CFAP95: variants seen among roughly 807,000 people sequenced by gnomAD.
CFAP95 encodes cilia- and flagella-associated protein 95.
the CFAP95 span, among the ~76,000 whole-genome samples, chr9:69,850,096 C>A: frequency 6.6e-6 from 1 of 152,128 alleles, no homozygotes; most frequent in Non-Finnish European, 1.5e-5. Context: ...AAAGTGAGAG[C>A]CACTGGGAGG....
chr9:69,902,340 T>G, the CFAP95 span: 99 of 455,024 alleles, frequency 2.2e-4, no homozygotes, highest in South Asian at 1.5e-3. Flanking sequence ...TTTGGAGAAC[T>G]CTATAATCTC....
At chr9:69,836,824 C>T in the CFAP95 span, among the ~76,000 whole-genome samples, 4 of 150,432 alleles carry the variant, frequency 2.7e-5, no homozygotes, top group Admixed American at 2.0e-4. Flanking sequence ...TGGTGCGCTG[C>T]ACTCACTAAC....
chr9:69,823,509 T>G, the CFAP95 span, among the ~76,000 whole-genome samples: 1 of 152,214 alleles, frequency 6.6e-6, no homozygotes, highest in East Asian at 1.9e-4. Context: ...GGCCTGTTTC[T>G]GCAACTGTAA....
At chr9:69,835,793 C>A in the CFAP95 span, among the ~76,000 whole-genome samples, 1 of 152,124 alleles carries the variant, frequency 6.6e-6, no homozygotes, top group Non-Finnish European at 1.5e-5. Flanking sequence ...ATGAAAGGTG[C>A]GGCAGTGACA....
At chr9:69,826,323 T>C in the CFAP95 span, among the ~76,000 whole-genome samples, 1 of 152,198 alleles carries the variant, frequency 6.6e-6, no homozygotes, top group Non-Finnish European at 1.5e-5. Flanking sequence ...TTTTCTAATA[T>C]GCTGTGTCAT....
chr9:69,888,782 G>A, the CFAP95 span, among the ~76,000 whole-genome samples: 4 of 152,060 alleles, frequency 2.6e-5, no homozygotes, highest in Non-Finnish European at 2.9e-5. Context: ...GGAGGCTGAG[G>A]CAGGAGAATC....
At chr9:69,895,369 C>CTCTCTCTCTGTGTGTGTGTGTG in the CFAP95 span, among the ~76,000 whole-genome samples, 12 of 107,920 alleles carry the variant, frequency 1.1e-4, no homozygotes, top group Non-Finnish European at 1.8e-4. Context: ...CTCTCTCTCT[C>CTCTCTCTCTGTGTGTGTGTGTG]TGTGTGTGTG....
the CFAP95 span, among the ~76,000 whole-genome samples, chr9:69,827,094 G>C: frequency 6.6e-6 from 1 of 152,174 alleles, no homozygotes; most frequent in South Asian, 2.1e-4. Context: ...TGGGAGCTAA[G>C]CTTGTGCTGT....
chr9:69,888,234 C>T, the CFAP95 span, among the ~76,000 whole-genome samples: 3 of 151,786 alleles, frequency 2.0e-5, no homozygotes, highest in East Asian at 3.9e-4. Context: ...GTAGCATAAC[C>T]GATTTAGGGA....
chr9:69,827,986 A>C, the CFAP95 span, among the ~76,000 whole-genome samples: 1 of 152,190 alleles, frequency 6.6e-6, no homozygotes. Flanking sequence ...ACTTACCAAA[A>C]GCCCCTCTTT....
chr9:69,902,765 T>C, the CFAP95 span, among the ~76,000 whole-genome samples: 1 of 152,058 alleles, frequency 6.6e-6, no homozygotes, highest in East Asian at 1.9e-4. Flanking sequence ...AATTATACCC[T>C]CTAGGTTTCT....
At chr9:69,829,913 T>C in the CFAP95 span, among the ~76,000 whole-genome samples, 1 of 152,194 alleles carries the variant, frequency 6.6e-6, no homozygotes, top group Non-Finnish European at 1.5e-5. Flanking sequence ...GTCAGAGCTC[T>C]TTTGGTTGCA....
the CFAP95 span, among the ~76,000 whole-genome samples, chr9:69,868,712 A>C: frequency 6.6e-6 from 1 of 151,770 alleles, no homozygotes; most frequent in Non-Finnish European, 1.5e-5. Context: ...AAAAATGAAA[A>C]GGCAGCCTAT....
At chr9:69,841,230 C>CTAGAAGTATGG in the CFAP95 span, among the ~76,000 whole-genome samples, 8 of 127,464 alleles carry the variant, frequency 6.3e-5, no homozygotes, top group Non-Finnish European at 1.3e-4. Context: ...TTGTAGGCCT[C>CTAGAAGTATGG]TAGAAGTATG....
chr9:69,849,356 A>C, the CFAP95 span, among the ~76,000 whole-genome samples: 1 of 151,960 alleles, frequency 6.6e-6, no homozygotes, highest in Non-Finnish European at 1.5e-5. Context: ...CAAAGAAGGA[A>C]GGGAGGGAGG....
At chr9:69,821,067 C>T in the CFAP95 span, 16 of 1,599,602 alleles carry the variant, frequency 1.0e-5, no homozygotes, top group African/African-American at 2.2e-4. Context: ...CCGGGTGCTG[C>T]GGGGAGGAAA....
the CFAP95 span, among the ~76,000 whole-genome samples, chr9:69,863,921 T>C: frequency 0.56 from 85,661 of 151,960 alleles, 24,491 homozygotes; most frequent in East Asian, 0.82. Context: ...CATATAAACA[T>C]GTGTGGTCCC....
the CFAP95 span, among the ~76,000 whole-genome samples, chr9:69,873,929 A>G: frequency 6.4e-3 from 979 of 152,318 alleles, 11 homozygotes; most frequent in African/African-American, 0.022. Flanking sequence ...ATTTTATGAT[A>G]ACTCCATTAT....
chr9:69,860,447 C>G, the CFAP95 span, among the ~76,000 whole-genome samples: 7 of 152,136 alleles, frequency 4.6e-5, no homozygotes, highest in Non-Finnish European at 7.4e-5. Context: ...CCCCATGACC[C>G]AAACACCTCT....
Sources: allele counts gnomAD v4.1 joint callset (sites outside exome capture counted in the v4.1 genomes callset), GRCh38; gene constraint gnomAD v4.1.1; transcripts MANE v1.5; gene names NCBI Gene and HGNC (gene_info 2026-07-23, HGNC 2026-07-21).